VGLL4: variants seen among roughly 807,000 people sequenced by gnomAD.
VGLL4 encodes the protein vestigial like family member 4, also known as transcription cofactor vestigial-like protein 4.
VGLL4 carries 7 observed loss-of-function variants against 21.0 expected under a neutral mutation model. The observed-to-expected ratio is 0.33, with a 90% CI of 0.19 to 0.63. The LOEUF (loss-of-function observed/expected upper bound fraction) is 0.63, where lower values mean the gene tolerates loss of function less well. Among genes scored for constraint, VGLL4 ranks in the 20% least tolerant of loss-of-function variants. VGLL4 has a pLI of 0.78. For synonymous variants in VGLL4, 222 were observed against 173.2 expected (o/e 1.28, Z -2.21); for missense variants, 394 against 425.7 (o/e 0.93, Z 0.66).
At chr3:11,701,132 G>A (rs1245661242) in intron 2 of VGLL4, among the ~76,000 whole-genome samples, 3 of 152,134 alleles carry the variant, frequency 2.0e-5, no homozygotes, top group East Asian at 3.9e-4. Flanking sequence ...GATCCCCAAC[G>A]TTGGAAGCAA....
chr3:11,582,434 G>A, intron 2 of VGLL4: 5 of 1,479,148 alleles, frequency 3.4e-6, no homozygotes, highest in Non-Finnish European at 4.6e-6. Context: ...TGAAAGGAGG[G>A]TTGCGAGGTA....
At chr3:11,603,341 T>TGG (rs1179426724) in intron 1 of VGLL4, among the ~76,000 whole-genome samples, 9 of 152,144 alleles carry the variant, frequency 5.9e-5, no homozygotes, top group Non-Finnish European at 5.9e-5. Flanking sequence ...ACTGGAACTT[T>TGG]CCATTTTAAA....
At chr3:11,583,132 C>T (rs2074277425) in intron 2 of VGLL4, among the ~76,000 whole-genome samples, 2 of 152,198 alleles carry the variant, frequency 1.3e-5, no homozygotes, top group African/African-American at 4.8e-5. Context: ...CTTTTACACC[C>T]AGGTCAGTTT....
rs576888972 is a variant in VGLL4 at position 11,659,257 on chromosome 3, A to G, written c.64+43714T>C. 2.0e-5 allele frequency among the ~76,000 whole-genome samples: 3 copies of G among 151,680 alleles called. No individual in the cohort carries two copies. The East Asian group carries it at 5.8e-4, about 29-fold the overall frequency. ...CAGAACATAAGACCTACAAACAAAC[A>G]ATAGAAGGCAGAGGGAGGACAAATC... On this transcript the variant is annotated intron_variant, in intron 2 of 5. Transcript: ENST00000273038.
At chr3:11,652,578 G>A (rs1298590146) in intron 2 of VGLL4, among the ~76,000 whole-genome samples, 4 of 152,024 alleles carry the variant, frequency 2.6e-5, no homozygotes, top group African/African-American at 7.3e-5. Context: ...GTGCCACCAC[G>A]CCCGGGTAAT....
chr3:11,707,494 G>C (rs919029214), intron 1 of VGLL4, among the ~76,000 whole-genome samples: 14 of 151,518 alleles, frequency 9.2e-5, no homozygotes, highest in African/African-American at 2.9e-4. Flanking sequence ...CGGGGACCAA[G>C]CATTATCTAG....
chr3:11,628,909 A>G (rs1455758576), intron 1 of VGLL4, among the ~76,000 whole-genome samples: 1 of 152,242 alleles, frequency 6.6e-6, no homozygotes, highest in Non-Finnish European at 1.5e-5. Context: ...CAATTGCCAA[A>G]GATTTTGGGG....
Position 11,643,630 on chromosome 3 carries a change from G to C in VGLL4, c.-112C>G. ...GGCTCTTCAACTTCACAAAGGCAGA[G>C]GCCCAGCCTCAGACTATCAAAACAA... On this transcript the variant is annotated 5_prime_UTR_variant, in exon 1 of 5. Transcript: ENST00000430365. 1 of 1,557,440 alleles carries C rather than the reference G, an allele frequency of 6.4e-7. No homozygotes were observed.
At chr3:11,651,058 G>A (rs528276713) in intron 2 of VGLL4, among the ~76,000 whole-genome samples, 91 of 152,202 alleles carry the variant, frequency 6.0e-4, no homozygotes, top group African/African-American at 2.1e-3. Context: ...ATAGAAAAGG[G>A]TTTAAGGGAC....
At chr3:11,618,940 T>C (rs1157664354) in intron 1 of VGLL4, among the ~76,000 whole-genome samples, 1 of 152,202 alleles carries the variant, frequency 6.6e-6, no homozygotes, top group African/African-American at 2.4e-5. Context: ...AGTGAGCAAA[T>C]TTTATCAATG....
intron 1 of VGLL4, among the ~76,000 whole-genome samples, chr3:11,621,257 T>C (rs113188209): frequency 2.3e-3 from 354 of 152,292 alleles, no homozygotes; most frequent in Non-Finnish European, 3.9e-3. Context: ...TGTGCAACAA[T>C]CACCATGATC....
chr3:11,713,705 A>G (rs2076881795), intron 1 of VGLL4, among the ~76,000 whole-genome samples: 1 of 151,726 alleles, frequency 6.6e-6, no homozygotes, highest in African/African-American at 2.4e-5. Flanking sequence ...CCTCTGCAGG[A>G]GGGAGGTCTA....
intron 3 of VGLL4, among the ~76,000 whole-genome samples, chr3:11,561,807 T>C (rs1248925130): frequency 1.3e-5 from 2 of 150,686 alleles, no homozygotes; most frequent in East Asian, 3.9e-4. Flanking sequence ...CCTGTGACTG[T>C]CCTCAGACAG....
Position 11,719,099 on chromosome 3 carries a change from G to T in VGLL4, c.-14+1295C>A, listed in dbSNP as rs1012754232. 6.6e-6 allele frequency among the ~76,000 whole-genome samples: 1 copy of T among 152,150 alleles called. No individual in the cohort carries two copies. The highest frequency in any genetic ancestry group is 1.5e-5 in the Non-Finnish European group (1 of 68,024). ...AGTGTGCAGTCCTGTTTTGGGGACC[G>T]GGCAGGAAGCACAGGAAGAGTACGG... On this transcript the variant is annotated intron_variant, in intron 1 of 5. Coordinates refer to the VGLL4 transcript ENST00000273038. This position sits in a 1 kb window ranked among gnomAD's most constrained non-coding sequence, Gnocchi z 4.0.
At chr3:11,679,593 G>A (rs1032233082) in intron 2 of VGLL4, among the ~76,000 whole-genome samples, 1 of 152,088 alleles carries the variant, frequency 6.6e-6, no homozygotes, top group Non-Finnish European at 1.5e-5. Context: ...TGAGGCAGGA[G>A]AACTGCTTGA....
chr3:11,685,203 T>TG (rs1243750834), intron 2 of VGLL4, among the ~76,000 whole-genome samples: 1 of 110,486 alleles, frequency 9.1e-6, no homozygotes, highest in African/African-American at 4.7e-5. Context: ...TGGTGTTGTT[T>TG]TTTTTTTTTT....
chr3:11,685,617 C>T (rs1230766718), intron 2 of VGLL4, among the ~76,000 whole-genome samples: 1 of 152,130 alleles, frequency 6.6e-6, no homozygotes, highest in East Asian at 1.9e-4. Flanking sequence ...ATTTATATTC[C>T]TTTGGGTATA....
At chr3:11,610,528 C>A (rs1321812919) in intron 1 of VGLL4, 1 of 152,250 alleles carries the variant, frequency 6.6e-6, no homozygotes, top group African/African-American at 2.4e-5. Context: ...GCCCCAGGCT[C>A]AGCTCTAATC....
chr3:11,710,157 A>G (rs1403604333), intron 1 of VGLL4, among the ~76,000 whole-genome samples: 5 of 152,220 alleles, frequency 3.3e-5, no homozygotes, highest in African/African-American at 1.2e-4. Flanking sequence ...ACCATTCATG[A>G]GGGATCGCTC....
Sources: gnomAD v4.1 joint callset for allele counts (sites outside exome capture counted in the v4.1 genomes callset) on GRCh38, gnomAD v4.1.1 for gene constraint, Gnocchi (gnomAD v3.1) non-coding constraint, MANE v1.5 for transcripts, NCBI Gene and HGNC (gene_info 2026-07-23, HGNC 2026-07-21) for gene names.